Variants in NUDCD3 observed in about 807,000 individuals in gnomAD.
The protein encoded by NUDCD3 is NudC domain containing 3.
NUDCD3 carries 13 observed loss-of-function variants against 39.7 expected under a neutral mutation model. The ratio of observed to expected loss-of-function variants is 0.33; its 90% CI spans 0.21 to 0.52. NUDCD3 has a LOEUF of 0.52. NUDCD3 is among the 20% of genes least tolerant of loss of function. NUDCD3 has a pLI of 0.96. For synonymous variants in NUDCD3, 175 were observed against 172.4 expected (o/e 1.02, Z -0.12); for missense variants, 453 against 458.1 (o/e 0.99, Z 0.10).
chr7:44,411,727 G>GT (rs1350324933), intron 3 of NUDCD3, among the ~76,000 whole-genome samples: 1 of 152,216 alleles, frequency 6.6e-6, no homozygotes, highest in Non-Finnish European at 1.5e-5. Flanking sequence ...TTGGAAAACT[G>GT]TTTGACAGTT....
intron 3 of NUDCD3, among the ~76,000 whole-genome samples, chr7:44,420,447 C>T (rs1360523871): frequency 2.0e-5 from 3 of 152,150 alleles, no homozygotes; most frequent in Non-Finnish European, 4.4e-5. Flanking sequence ...TCCAGGAGAA[C>T]TTCCCCAACC....
chr7:44,488,964 T>C (rs2116990676), intron 1 of NUDCD3, among the ~76,000 whole-genome samples: 1 of 152,244 alleles, frequency 6.6e-6, no homozygotes, highest in African/African-American at 2.4e-5. Context: ...ACTATACATA[T>C]TACTCAGTAT....
chr7:44,461,592 T>C (rs896057820), intron 2 of NUDCD3, among the ~76,000 whole-genome samples: 1 of 151,968 alleles, frequency 6.6e-6, no homozygotes, highest in African/African-American at 2.4e-5. Flanking sequence ...CATGGTACAA[T>C]CTGACCTATA....
In NUDCD3 at chr7:44,381,867, C is replaced by G. The variant is rs763597571; in HGVS notation, c.*4144G>C. On this transcript the variant is annotated 3_prime_UTR_variant, in exon 6 of 6. Transcript: ENST00000355451. ...CTTGCCAGGGGTTTACCCAGAAAGC[C>G]CAGCGCATACCCCCAGAGTGTTCTG... is the stretch of plus-strand genomic sequence containing the variant. 3 of 152,282 alleles carry G rather than the reference C, an allele frequency of 2.0e-5. No individual in the cohort carries two copies. Among genetic ancestry groups the G allele is most frequent in the Non-Finnish European group, 4.4e-5 (3 of 68,136 alleles). 9.4% of individuals were successfully genotyped at this position (152,282 alleles called of 1,614,324 possible). A position where few individuals can be genotyped will look rare whatever the true frequency, so the allele number is the denominator to read the frequency against.
At chr7:44,387,073 T>C (rs930615997) in intron 5 of NUDCD3, among the ~76,000 whole-genome samples, 15 of 152,222 alleles carry the variant, frequency 9.9e-5, no homozygotes, top group African/African-American at 3.1e-4. Flanking sequence ...CCCTGTAGCA[T>C]AGGCCCAGAA....
At chr7:44,403,268 G>C (rs1338026977) in intron 4 of NUDCD3, among the ~76,000 whole-genome samples, 2 of 152,166 alleles carry the variant, frequency 1.3e-5, no homozygotes, top group African/African-American at 4.8e-5. Flanking sequence ...AACTGGGATG[G>C]GCCAGTCCAA....
At chr7:44,405,511 A>G (rs1040862735) in intron 3 of NUDCD3, among the ~76,000 whole-genome samples, 1 of 152,234 alleles carries the variant, frequency 6.6e-6, no homozygotes. Flanking sequence ...GTATCTGTAT[A>G]ATGTATGCAT....
At chr7:44,484,764 C>A (rs1320340362) in intron 2 of NUDCD3, 8 of 554,342 alleles carry the variant, frequency 1.4e-5, no homozygotes, top group Non-Finnish European at 2.5e-5. Context: ...CTGACCTTAC[C>A]AAATGAGGGA....
Position 44,464,820 on chromosome 7 carries a change from G to A in NUDCD3, c.509+20148C>T, listed in dbSNP as rs1396890461. ...GGACCAATACCCTTTTAGAAGGAGC[G>A]TTATCCCCATTCCAGCTTTTAGATT... is the stretch of plus-strand genomic sequence containing the variant. On this transcript the variant is annotated intron_variant, in intron 2 of 5. Transcript: ENST00000355451. Among the ~76,000 whole-genome samples the A allele has an allele frequency of 4.6e-5, 7 of 152,256 alleles. No homozygotes were observed. In the East Asian group the frequency reaches 1.2e-3, roughly 25 times the overall value.
chr7:44,387,332 T>C (rs138125338), intron 5 of NUDCD3, among the ~76,000 whole-genome samples: 2 of 152,284 alleles, frequency 1.3e-5, no homozygotes, highest in Non-Finnish European at 2.9e-5. Flanking sequence ...AGCTTCATTT[T>C]CTTTTTTTAA....
chr7:44,487,114 T>A (rs1800627037), intron 1 of NUDCD3, among the ~76,000 whole-genome samples: 1 of 152,242 alleles, frequency 6.6e-6, no homozygotes. Context: ...TTATCGATTA[T>A]AATGAATGGC....
At position 44,471,257 on chromosome 7, in the gene NUDCD3, A is replaced by G. The variant is rs991669881; in HGVS notation, c.509+13711T>C. Among the ~76,000 whole-genome samples the G allele has an allele frequency of 2.6e-5, 4 of 152,250 alleles. No individual in the cohort carries two copies. The South Asian group carries it at 8.3e-4, about 31-fold the overall frequency. ...ATGCACGTCCTCATGTATACTTTAA[A>G]TCATCTTTAGCTTTATAATAGTTAA... is the stretch of plus-strand genomic sequence containing the variant. On this transcript the variant is annotated intron_variant, in intron 2 of 5. Coordinates refer to ENST00000355451, the MANE Select transcript of NUDCD3 (RefSeq NM_015332.4).
At chr7:44,414,363 G>C (rs1798982400) in intron 3 of NUDCD3, among the ~76,000 whole-genome samples, 1 of 152,174 alleles carries the variant, frequency 6.6e-6, no homozygotes. Context: ...CACCCCTCAG[G>C]CACTTGGGGA....
intron 2 of NUDCD3, among the ~76,000 whole-genome samples, chr7:44,467,173 G>A (rs1800135971): frequency 3.9e-5 from 6 of 152,120 alleles, no homozygotes; most frequent in Admixed American, 3.9e-4. Flanking sequence ...ACTGAAGAAT[G>A]GGTCAATAAA....
chr7:44,420,140 T>C (rs762690177), intron 3 of NUDCD3, among the ~76,000 whole-genome samples: 2 of 152,040 alleles, frequency 1.3e-5, no homozygotes, highest in South Asian at 4.2e-4. Flanking sequence ...ATAACCAGTT[T>C]AGAGAAGAAC....
intron 2 of NUDCD3, among the ~76,000 whole-genome samples, chr7:44,479,359 CT>C (rs1356423105): frequency 2.0e-5 from 3 of 152,110 alleles, no homozygotes; most frequent in Admixed American, 2.0e-4. Flanking sequence ...AAACAATTGT[CT>C]GTATACAGTA....
intron 3 of NUDCD3, among the ~76,000 whole-genome samples, chr7:44,425,491 G>C (rs1354377319): frequency 6.6e-6 from 1 of 151,994 alleles, no homozygotes; most frequent in Non-Finnish European, 1.5e-5. Flanking sequence ...TTTTAAAGTG[G>C]AAATTATCTA....
At chr7:44,443,441 C>T (rs1799629921) in intron 2 of NUDCD3, among the ~76,000 whole-genome samples, 1 of 151,518 alleles carries the variant, frequency 6.6e-6, no homozygotes, top group Non-Finnish European at 1.5e-5. Flanking sequence ...GATGGGGTCT[C>T]GCTCTGTCGC....
At chr7:44,408,013 T>C (rs1203866449) in intron 3 of NUDCD3, among the ~76,000 whole-genome samples, 1 of 152,050 alleles carries the variant, frequency 6.6e-6, no homozygotes, top group Non-Finnish European at 1.5e-5. Context: ...TGAAATTTTA[T>C]GACACTGGGT....
Sources: allele counts gnomAD v4.1 joint callset (sites outside exome capture counted in the v4.1 genomes callset), GRCh38; gene constraint gnomAD v4.1.1; transcripts MANE v1.5; gene names NCBI Gene and HGNC (gene_info 2026-07-23, HGNC 2026-07-21).